ARHGAP9: variants seen among roughly 807,000 people sequenced by gnomAD.
The protein encoded by ARHGAP9 is Rho GTPase activating protein 9, also known as rho GTPase-activating protein 9.
A neutral mutation model predicts 87.3 loss-of-function variants in ARHGAP9; 76 were observed. That is an observed-to-expected ratio of 0.87 (90% confidence interval 0.72 to 1.05). ARHGAP9 has a LOEUF of 1.05. Ranked by LOEUF, ARHGAP9 falls within the 50% of genes least tolerant of loss-of-function variation. The probability of loss-of-function intolerance (pLI) is 0.00; values close to 1 mark genes in which losing one functional copy is unlikely to be tolerated. For missense variants in ARHGAP9, 941 were observed against 960.5 expected (o/e 0.98, Z 0.27); for synonymous variants, 382 against 394.9 (o/e 0.97, Z 0.39).
At chr12:57,481,611 T>C (rs1565631637), upstream of ARHGAP9, among the ~76,000 whole-genome samples, 1 of 152,074 alleles carries the variant, frequency 6.6e-6, no homozygotes, top group African/African-American at 2.4e-5. Context: ...GGGATCTCCA[T>C]TTCCTGTCCC....
chr12:57,474,145 C>T lies in ARHGAP9; in HGVS notation c.1815G>A (p.Trp605Ter). ...EGRLDLDSTEWDDIHVVTGAL... is the reference protein window; with the variant it reads ...EGRLDLDSTE Reference sequence around the variant, plus strand: ...CTCCGGTGACCACATGAATGTCATCCCACTCAGTACTGTCCAAATCTAACC... The same window carrying T: ...CTCCGGTGACCACATGAATGTCATCTCACTCAGTACTGTCCAAATCTAACC... The change falls in exon 16 of 18, where the codon TGG (tryptophan) becomes TGA (stop). Residue 605 changes from tryptophan (W) to a stop codon, truncating the protein, a stop_gained. Transcript: ENST00000393791. LOFTEE classifies it high-confidence loss of function. 1.9e-6 allele frequency: 3 copies of T among 1,614,140 alleles called. No homozygotes were observed. Among genetic ancestry groups the T allele is most frequent in the East Asian group, 4.5e-5 (2 of 44,890 alleles).
intron 6 of ARHGAP9, 104 bp downstream of exon 6, chr12:57,476,767 G>A (rs1035329345): frequency 1.3e-6 from 2 of 1,531,030 alleles, no homozygotes; most frequent in South Asian, 1.1e-5. Flanking sequence ...GGGAGGGCTG[G>A]GTAGGAGGAT....
rs769387117 is a variant in ARHGAP9, at chr12:57,475,291, C to G, written c.1552G>C (p.Asp518His). The change falls in exon 12 of 18, where the codon GAC (aspartate) becomes CAC (histidine). Residue 518 changes from aspartate (D) to histidine (H), a missense_variant and splice_region_variant. Asp to His is a moderately conservative substitution (Grantham distance 81). Transcript: ENST00000393791. The part of the protein sequence containing the change: ...QSLQERGLLR[D>H]QVFGCQLESL... ...CATGAACCTGGCCCAGCCCCCTCAC[C>G]TCGGAGCAGACCCCGCTCCTGCAGG... The G allele has an allele frequency of 6.3e-7, 1 of 1,586,058 alleles. No individual in the cohort carries two copies. The highest frequency in any genetic ancestry group is 2.3e-5 in the East Asian group (1 of 44,152).
chr12:57,474,136 A>T lies in ARHGAP9; in HGVS notation c.1824T>A (p.Ile608=). 6.2e-7 allele frequency: 1 copy of T among 1,614,174 alleles called. No homozygotes were observed. The highest frequency in any genetic ancestry group is 8.5e-7 in the Non-Finnish European group (1 of 1,180,024). ...LDLDSTEWDD[I]HVVTGALKLF... ...GCTTCAGGGCTCCGGTGACCACATG[A>T]ATGTCATCCCACTCAGTACTGTCCA... The change falls in exon 16 of 18, where the codon ATT becomes ATA. Residue 608 remains isoleucine (I), a synonymous_variant. Transcript: ENST00000393791.
intron 3 of ARHGAP9, chr12:57,477,920 A>C: frequency 3.1e-6 from 4 of 1,287,370 alleles, no homozygotes; most frequent in South Asian, 1.5e-5. Context: ...CGCCTCCCCC[A>C]CCCCACCCCC....
In ARHGAP9 at chr12:57,474,674, T is replaced by A; in HGVS notation, c.1681A>T (p.Ser561Cys). The A allele has an allele frequency of 6.2e-7, 1 of 1,614,144 alleles. No homozygotes were observed. The highest frequency in any genetic ancestry group is 8.5e-7 in the Non-Finnish European group (1 of 1,180,020). ...TTCTGGACCACTGCCAAGTTCCCGC[T>A]CACCCGATAAATGCCATCCACATCT... Reference protein sequence around the residue: ...GLDVDGIYRVSGNLAVVQKLR... With the variant: ...GLDVDGIYRVCGNLAVVQKLR... Residue 561 changes from serine to cysteine, a missense_variant, in exon 14 of 18, where the codon AGC becomes TGC. Transcript: ENST00000393791.
intron 1 of ARHGAP9, among the ~76,000 whole-genome samples, chr12:57,485,540 G>A (rs1490997986): frequency 1.5e-5 from 2 of 135,248 alleles, no homozygotes; most frequent in South Asian, 2.4e-4. Context: ...TGGGCAATAA[G>A]AGTAAGACTC....
upstream of ARHGAP9, among the ~76,000 whole-genome samples, chr12:57,481,060 T>A (rs1565631189): frequency 6.6e-6 from 1 of 152,186 alleles, no homozygotes. Flanking sequence ...ACTTATTTAT[T>A]CATTTGGTGT....
chr12:57,482,682 G>T (rs936344267), upstream of ARHGAP9, among the ~76,000 whole-genome samples: 2 of 152,122 alleles, frequency 1.3e-5, no homozygotes, highest in Non-Finnish European at 2.9e-5. Flanking sequence ...TCCAGCCTAG[G>T]CGACAGAGTG....
At chr12:57,473,880 T>C (rs963977597) in intron 16 of ARHGAP9, among the ~76,000 whole-genome samples, 162 bp downstream of exon 16, 6 of 152,222 alleles carry the variant, frequency 3.9e-5, no homozygotes, top group African/African-American at 7.2e-5. Context: ...TTCAGCCCTC[T>C]AAACATTCAC....
At chr12:57,486,457 A>C (rs974899047) in intron 1 of ARHGAP9, among the ~76,000 whole-genome samples, 1 of 151,814 alleles carries the variant, frequency 6.6e-6, no homozygotes, top group Non-Finnish European at 1.5e-5. Context: ...TTCACTAAAG[A>C]AGGGGTTTCA....
In ARHGAP9 at chr12:57,477,491, A is replaced by G. The variant is rs1186663465; in HGVS notation, c.724T>C (p.Trp242Arg). 1.2e-6 allele frequency: 2 copies of G among 1,614,128 alleles called. No homozygotes were observed. Among genetic ancestry groups the G allele is most frequent in the Admixed American group, 1.7e-5 (1 of 60,006 alleles). Reference sequence around the variant, plus strand: ...CTGCGACTGCGGCGCGGGGGCTTCCAGGACTTGCAGCCAGTCAGTGAATTT... The same window carrying G: ...CTGCGACTGCGGCGCGGGGGCTTCCGGGACTTGCAGCCAGTCAGTGAATTT... ...YINSLTGCKS[W>R]KPPRRSRSET... The change falls in exon 4 of 18, where the codon TGG (tryptophan) becomes CGG (arginine). Residue 242 changes from tryptophan (W) to arginine (R), a missense_variant. Transcript: ENST00000393791.
Position 57,474,980 on chromosome 12 carries a change from A to C in ARHGAP9, c.1553-7T>G. The C allele has an allele frequency of 6.2e-7, 1 of 1,613,380 alleles. No homozygotes were observed. Among genetic ancestry groups the C allele is most frequent in the South Asian group, 1.1e-5 (1 of 91,074 alleles). On this transcript the variant is annotated splice_region_variant and splice_polypyrimidine_tract_variant and intron_variant, in intron 12 of 17. Transcript: ENST00000393791. ...TGGCAGCCGAACACCTGGTCTGGGG[A>C]AGTAGAGTGAGGCGGGAAGCCAGTG...
chr12:57,480,454 T>C (rs1271761295), upstream of ARHGAP9, among the ~76,000 whole-genome samples: 1 of 152,166 alleles, frequency 6.6e-6, no homozygotes, highest in Non-Finnish European at 1.5e-5. Flanking sequence ...AGTGCTGGGA[T>C]TACAGGTGTG....
chr12:57,480,654 G>A (rs1397210646), upstream of ARHGAP9: 2 of 876,858 alleles, frequency 2.3e-6, no homozygotes, highest in Non-Finnish European at 3.7e-6. Flanking sequence ...CAATGGACAA[G>A]TAATGCAAGA....
Position 57,478,701 on chromosome 12 carries a change from C to T in ARHGAP9, c.373G>A (p.Ala125Thr), listed in dbSNP as rs760675857. The T allele has an allele frequency of 1.9e-6, 3 of 1,613,926 alleles. No homozygotes were observed. Among genetic ancestry groups the T allele is most frequent in the African/African-American group, 1.3e-5 (1 of 74,878 alleles). The change falls in exon 3 of 18, where the codon GCT (alanine) becomes ACT (threonine). Residue 125 changes from alanine (A) to threonine (T), a missense_variant. By Grantham distance (58) the Ala-to-Thr change is moderately conservative. Transcript: ENST00000393791. Reference protein sequence around the residue: ...EELSQALPSRAQASSEQPPPL... With the variant: ...EELSQALPSRTQASSEQPPPL... ...GGAGGCTGCTCCGAGCTAGCCTGAG[C>T]CCTGCTTGGGAGGGCCTGAGACAAC...
chr12:57,479,698 A>G, intron 1 of ARHGAP9, 32 bp downstream of exon 1: 1 of 1,550,768 alleles, frequency 6.4e-7, no homozygotes, highest in Non-Finnish European at 8.7e-7. Context: ...ATTAGAGGAG[A>G]TGACCTAGGC....
chr12:57,483,502 A>G (rs1451693818), upstream of ARHGAP9, among the ~76,000 whole-genome samples: 1 of 152,162 alleles, frequency 6.6e-6, no homozygotes, highest in Non-Finnish European at 1.5e-5. Flanking sequence ...CTCCTGACTT[A>G]GACTTTCCAC....
Position 57,472,724 on chromosome 12 carries a change from G to A in ARHGAP9, c.2025-36C>T, listed in dbSNP as rs1449600532. The A allele has an allele frequency of 2.5e-6, 4 of 1,607,936 alleles. No individual in the cohort carries two copies. The Admixed American group carries it at 6.7e-5, about 27-fold the overall frequency. On this transcript the variant is annotated intron_variant, in intron 17 of 17. Transcript: ENST00000393791. Reference sequence around the variant, plus strand: ...AGGCCAAGGAAGGGGATATATGGCAGCAGCTTGCCACTTCATAGCAATCTA... The same window carrying A: ...AGGCCAAGGAAGGGGATATATGGCAACAGCTTGCCACTTCATAGCAATCTA...
Sources: gnomAD v4.1 joint callset for allele counts (sites outside exome capture counted in the v4.1 genomes callset) on GRCh38, gnomAD v4.1.1 for gene constraint, MANE v1.5 for transcripts, NCBI Gene and HGNC (gene_info 2026-07-23, HGNC 2026-07-21) for gene names.